The following ZDHHC20 variants were observed in gnomAD, a reference collection of about 807,000 sequenced individuals.
The protein encoded by ZDHHC20 is palmitoyltransferase ZDHHC20.
Under a neutral mutation model 57.8 loss-of-function variants are expected in ZDHHC20, and 43 were observed. That is an observed-to-expected ratio of 0.74 (90% CI 0.58 to 0.96). The LOEUF (loss-of-function observed/expected upper bound fraction) is 0.96, where lower values mean the gene tolerates loss of function less well. Among genes scored for constraint, ZDHHC20 ranks in the 40% least tolerant of loss-of-function variants. The probability of loss-of-function intolerance (pLI) is 0.00; values close to 1 mark genes in which losing one functional copy is unlikely to be tolerated. For synonymous variants in ZDHHC20, 157 were observed against 153.0 expected (o/e 1.03, Z -0.19); for missense variants, 391 against 441.1 (o/e 0.89, Z 1.02).
At chr13:21,378,633 T>C in intron 12 of ZDHHC20, 28 bp downstream of exon 12, 3 of 1,222,894 alleles carry the variant, frequency 2.5e-6, no homozygotes, top group Non-Finnish European at 3.2e-6. Context: ...GCTGCATTTA[T>C]TCAAGGATTA....
At chr13:21,421,622 T>G (rs907706582) in intron 2 of ZDHHC20, among the ~76,000 whole-genome samples, 5 of 152,184 alleles carry the variant, frequency 3.3e-5, no homozygotes, top group Non-Finnish European at 5.9e-5. Context: ...CCCTGTATTG[T>G]TCAGAAAAAG....
intron 9 of ZDHHC20, among the ~76,000 whole-genome samples, chr13:21,383,808 A>G (rs1036781845): frequency 6.6e-6 from 1 of 152,170 alleles, no homozygotes; most frequent in African/African-American, 2.4e-5. Context: ...ATAGTGAACA[A>G]AAGAGAAGAA....
intron 1 of ZDHHC20, among the ~76,000 whole-genome samples, chr13:21,448,230 G>A (rs1266928266): frequency 3.7e-5 from 3 of 80,522 alleles, no homozygotes; most frequent in East Asian, 2.5e-4. Flanking sequence ...TGCCCCATCC[G>A]GGAGGTGAGG....
intron 1 of ZDHHC20, among the ~76,000 whole-genome samples, chr13:21,427,991 CT>C (rs1175791519): frequency 2.0e-5 from 3 of 152,068 alleles, no homozygotes; most frequent in Admixed American, 2.0e-4. Flanking sequence ...CTTGTAATTA[CT>C]GGTTTACAGT....
At position 21,376,277 on chromosome 13, in the gene ZDHHC20, T is replaced by C. The variant is rs1432034483; in HGVS notation, c.*419A>G. On this transcript the variant is annotated 3_prime_UTR_variant, in exon 13 of 13. Coordinates refer to ENST00000400590, the MANE Select transcript of ZDHHC20 (RefSeq NM_001330059.2). ...GCCACCATTTGCCCTAGATGTACTT[T>C]AAAGTTTTTAAGCTTGTGTTTTTGG... 1 of 159,498 alleles carries C rather than the reference T, an allele frequency of 6.3e-6. No homozygotes were observed. The highest frequency in any genetic ancestry group is 2.4e-5 in the African/African-American group (1 of 41,820). The allele number at this position is 159,498 out of a possible 1,614,324, so 9.9% of individuals were successfully genotyped here. A position where few individuals can be genotyped will look rare whatever the true frequency, so the allele number is the denominator to read the frequency against.
chr13:21,425,585 T>TA, intron 2 of ZDHHC20, 67 bp downstream of exon 2: 1 of 1,111,704 alleles, frequency 9.0e-7, no homozygotes, highest in South Asian at 1.7e-5. Context: ...CATCACTAAA[T>TA]AAAAAGTATG....
intron 1 of ZDHHC20, among the ~76,000 whole-genome samples, chr13:21,438,623 A>T (rs1882798431): frequency 6.6e-6 from 1 of 152,246 alleles, no homozygotes; most frequent in Non-Finnish European, 1.5e-5. Context: ...GTGAACACTG[A>T]TGAAATGACA....
intron 1 of ZDHHC20, among the ~76,000 whole-genome samples, chr13:21,426,278 C>A (rs557015104): frequency 2.6e-5 from 4 of 152,308 alleles, no homozygotes; most frequent in African/African-American, 9.6e-5. Context: ...GTCTACCAAG[C>A]CTGAAACCCT....
chr13:21,391,941 A>G, intron 7 of ZDHHC20, 87 bp from the exon 8 acceptor site: 1 of 1,376,290 alleles, frequency 7.3e-7, no homozygotes, highest in South Asian at 1.4e-5. Context: ...TGAATATATC[A>G]AAATACTTGC....
Position 21,373,462 on chromosome 13 carries a change from A to G in ZDHHC20, c.*3234T>C, listed in dbSNP as rs1871526871. The stretch of plus-strand genomic sequence containing the variant: ...ATTGGATCATAACCACTAATATGTA[A>G]AAAGTTTTAAAAAAATCATCCTTAC... On this transcript the variant is annotated 3_prime_UTR_variant, in exon 13 of 13. Coordinates refer to ENST00000400590, the MANE Select transcript of ZDHHC20 (RefSeq NM_001330059.2). The G allele has an allele frequency of 6.6e-6, 1 of 152,228 alleles. No homozygotes were observed. The highest frequency in any genetic ancestry group is 6.5e-5 in the Admixed American group (1 of 15,282). The allele number at this position is 152,228 out of a possible 1,614,324, so 9.4% of individuals were successfully genotyped here.
chr13:21,427,667 G>A (rs1349681170), intron 1 of ZDHHC20, among the ~76,000 whole-genome samples: 1 of 151,738 alleles, frequency 6.6e-6, no homozygotes, highest in Non-Finnish European at 1.5e-5. Flanking sequence ...AACCCCGTCT[G>A]CACTAAAAAA....
intron 7 of ZDHHC20, among the ~76,000 whole-genome samples, chr13:21,393,334 C>CT (rs1161120013): frequency 5.9e-5 from 9 of 152,086 alleles, no homozygotes; most frequent in Admixed American, 3.3e-4. Context: ...AACCCTGTCT[C>CT]TACTAAAAAT....
At chr13:21,451,933 GC>G (rs1884479744) in intron 1 of ZDHHC20, among the ~76,000 whole-genome samples, 1 of 151,738 alleles carries the variant, frequency 6.6e-6, no homozygotes, top group Non-Finnish European at 1.5e-5. Context: ...GGCGGAGGTT[GC>G]AATGAGCCGA....
chr13:21,392,212 TAA>T (rs34810017), intron 7 of ZDHHC20, among the ~76,000 whole-genome samples: 19 of 95,742 alleles, frequency 2.0e-4, no homozygotes, highest in East Asian at 1.7e-3. Context: ...CCCTGTCTCA[TAA>T]AAAAAAAAAA....
intron 1 of ZDHHC20, among the ~76,000 whole-genome samples, chr13:21,434,086 A>ATG (rs1566105274): frequency 1.5e-5 from 2 of 136,312 alleles, no homozygotes; most frequent in Non-Finnish European, 1.7e-5. Flanking sequence ...TTCCTTTCCT[A>ATG]CGTGTGTGTG....
At chr13:21,400,726 A>G (rs1877505055) in intron 6 of ZDHHC20, among the ~76,000 whole-genome samples, 1 of 152,122 alleles carries the variant, frequency 6.6e-6, no homozygotes, top group Non-Finnish European at 1.5e-5. Flanking sequence ...AACATGGTAC[A>G]TCTTATGGGA....
intron 7 of ZDHHC20, among the ~76,000 whole-genome samples, chr13:21,397,598 C>G (rs890735593): frequency 6.6e-6 from 1 of 151,870 alleles, no homozygotes; most frequent in Non-Finnish European, 1.5e-5. Context: ...GAGATTGAAA[C>G]TGCAGTGAGC....
rs1299031226 is a variant in ZDHHC20 at position 21,390,437 on chromosome 13, A to G, written c.727+1285T>C. The stretch of plus-strand genomic sequence containing the variant: ...CCCTATATTTTCATTTTTTAAAATG[A>G]GCAAACAAAAAGAGAAATAAATGTT... On this transcript the variant is annotated intron_variant, in intron 8 of 12. Coordinates refer to ENST00000400590, the MANE Select transcript of ZDHHC20 (RefSeq NM_001330059.2). Among the ~76,000 whole-genome samples the G allele has an allele frequency of 2.6e-5, 4 of 152,302 alleles. No homozygotes were observed. The East Asian group carries it at 7.7e-4, about 29-fold the overall frequency.
intron 9 of ZDHHC20, 69 bp from the exon 10 acceptor site, chr13:21,383,078 CA>C (rs1873721576): frequency 1.5e-6 from 2 of 1,344,440 alleles, no homozygotes; most frequent in African/African-American, 1.5e-5. Context: ...ATTTAACACT[CA>C]TTTTTCAGAG....
Sources: gnomAD v4.1 joint callset for allele counts (sites outside exome capture counted in the v4.1 genomes callset) on GRCh38, gnomAD v4.1.1 for gene constraint, MANE v1.5 for transcripts, NCBI Gene and HGNC (gene_info 2026-07-23, HGNC 2026-07-21) for gene names.